The following ROBO1 variants were observed in gnomAD, a reference collection of about 807,000 sequenced individuals.
The protein encoded by ROBO1 is roundabout homolog 1.
A neutral mutation model predicts 195.9 loss-of-function variants in ROBO1; 149 were observed. The ratio of observed to expected loss-of-function variants is 0.76; its 90% confidence interval spans 0.67 to 0.87. ROBO1 has a LOEUF of 0.87. Ranked by LOEUF, ROBO1 falls within the 40% of genes least tolerant of loss-of-function variation. The pLI is 0.00. For synonymous variants in ROBO1, 816 were observed against 733.2 expected, an observed-to-expected ratio of 1.11 and a Z score of -1.82; for missense variants, 1,933 against 2,068.3, an observed-to-expected ratio of 0.93 and a Z score of 1.27.
chr3:78,923,563 G>GA (rs1211455298), intron 4 of ROBO1, among the ~76,000 whole-genome samples: 1 of 152,076 alleles, frequency 6.6e-6, no homozygotes, highest in Non-Finnish European at 1.5e-5. Flanking sequence ...CGCTTTTCTA[G>GA]AAAATTGAAA....
intron 1 of ROBO1, among the ~76,000 whole-genome samples, chr3:79,618,730 G>C (rs958337636): frequency 6.6e-6 from 1 of 152,084 alleles, no homozygotes; most frequent in Non-Finnish European, 1.5e-5. Flanking sequence ...CATGACATTT[G>C]GTGCCTCACT....
At chr3:79,502,916 GAAAACGGACCAATCAGCTCTGT>G (rs1940179744) in intron 2 of ROBO1, among the ~76,000 whole-genome samples, 5 of 151,996 alleles carry the variant, frequency 3.3e-5, no homozygotes, top group Non-Finnish European at 7.4e-5. Context: ...AGCACCCTGT[GAAAACGGACCAATCAGCTCTGT>G]AAAATGGACC....
intron 4 of ROBO1, among the ~76,000 whole-genome samples, chr3:78,778,492 C>T (rs1433821199): frequency 6.6e-6 from 1 of 151,988 alleles, no homozygotes; most frequent in East Asian, 1.9e-4. Context: ...AAACAGAGAG[C>T]CAAATCATGA....
chr3:79,268,600 C>T (rs531533094), intron 2 of ROBO1, among the ~76,000 whole-genome samples: 14 of 151,722 alleles, frequency 9.2e-5, no homozygotes, highest in African/African-American at 2.7e-4. Flanking sequence ...GGTCAACACA[C>T]GCTCTTGTTT....
intron 4 of ROBO1, among the ~76,000 whole-genome samples, chr3:78,750,447 C>T (rs921804532): frequency 2.3e-5 from 3 of 130,722 alleles, no homozygotes; most frequent in African/African-American, 8.7e-5. Context: ...AGCAAGACTC[C>T]ATCTCAAAAA....
chr3:79,148,761 C>A (rs575952722), intron 2 of ROBO1, among the ~76,000 whole-genome samples: 1 of 151,890 alleles, frequency 6.6e-6, no homozygotes, highest in Non-Finnish European at 1.5e-5. Context: ...CATTCATACT[C>A]ATTCCTAACA....
chr3:78,627,954 C>CTTTT (rs11445603), intron 25 of ROBO1, among the ~76,000 whole-genome samples: 2 of 143,428 alleles, frequency 1.4e-5, no homozygotes, highest in Admixed American at 7.0e-5. Flanking sequence ...AAAAATTACT[C>CTTTT]TTTTTTTTTT....
intron 4 of ROBO1, among the ~76,000 whole-genome samples, chr3:78,885,113 G>C (rs2036468841): frequency 6.6e-6 from 1 of 152,056 alleles, no homozygotes; most frequent in African/African-American, 2.4e-5. Context: ...GCAGGGACAT[G>C]GATAGAGGGC....
chr3:79,184,292 A>G (rs1483682371), intron 2 of ROBO1, among the ~76,000 whole-genome samples: 2 of 152,198 alleles, frequency 1.3e-5, no homozygotes, highest in Non-Finnish European at 2.9e-5. Flanking sequence ...TCTTTTTAAA[A>G]AGACAATAAT....
intron 1 of ROBO1, among the ~76,000 whole-genome samples, chr3:79,710,590 C>T (rs1025828355): frequency 6.6e-6 from 1 of 152,076 alleles, no homozygotes; most frequent in East Asian, 1.9e-4. Context: ...AAGGTTATGA[C>T]CCTGAAGGAA....
intron 8 of ROBO1, among the ~76,000 whole-genome samples, chr3:78,695,774 G>A (rs2081276245): frequency 1.3e-5 from 2 of 151,902 alleles, no homozygotes; most frequent in Non-Finnish European, 2.9e-5. Flanking sequence ...GGTCATTTAA[G>A]CTTTTAACAA....
rs114544670 is a variant in ROBO1, at chr3:79,747,878, A to G, written c.-51+19874T>C. Among the ~76,000 whole-genome samples, 759 of 152,214 alleles carry G rather than the reference A, an allele frequency of 5.0e-3. 10 individuals are homozygous for G. The highest frequency in any genetic ancestry group is 0.018 in the African/African-American group (733 of 41,564). ...ATGATCAAATAACACCACTATAAAGAGAAAACAAAAACAAGAAAAAAGAAA... is the reference window on the plus strand; with the variant it reads ...ATGATCAAATAACACCACTATAAAGGGAAAACAAAAACAAGAAAAAAGAAA... On this transcript the variant is annotated intron_variant, in intron 1 of 30. Coordinates refer to ENST00000464233, the MANE Select transcript of ROBO1 (RefSeq NM_002941.4).
chr3:78,659,951 C>A, intron 16 of ROBO1, 144 bp from the exon 17 acceptor site: 1 of 490,616 alleles, frequency 2.0e-6, no homozygotes, highest in Non-Finnish European at 3.3e-6. Flanking sequence ...GACGGAGGCT[C>A]GCTCTGTCAT....
At chr3:78,969,764 A>G (rs763713867) in intron 3 of ROBO1, among the ~76,000 whole-genome samples, 6 of 152,220 alleles carry the variant, frequency 3.9e-5, no homozygotes, top group Non-Finnish European at 5.9e-5. Flanking sequence ...TATGAAAAGG[A>G]TTATTTTATA....
At chr3:79,444,299 G>T (rs1224077447) in intron 2 of ROBO1, among the ~76,000 whole-genome samples, 3 of 151,890 alleles carry the variant, frequency 2.0e-5, no homozygotes, top group Admixed American at 6.6e-5. Flanking sequence ...AACAAAATGG[G>T]TTTTTTGAAT....
chr3:79,413,533 C>T (rs1178357205), intron 2 of ROBO1, among the ~76,000 whole-genome samples: 2 of 152,032 alleles, frequency 1.3e-5, no homozygotes, highest in African/African-American at 4.8e-5. Flanking sequence ...TGAATGTTAC[C>T]ATATGGGTTA....
intron 2 of ROBO1, among the ~76,000 whole-genome samples, chr3:79,445,066 G>A (rs2039193403): frequency 6.6e-6 from 1 of 151,882 alleles, no homozygotes; most frequent in Non-Finnish European, 1.5e-5. Context: ...AACATTAGTT[G>A]ATAAACTTTA....
chr3:79,366,882 A>T lies in ROBO1; in HGVS notation c.88+222942T>A, dbSNP rs552210263. 2.7e-5 allele frequency among the ~76,000 whole-genome samples: 3 copies of T among 109,636 alleles called. No individual in the cohort carries two copies. The East Asian group carries it at 7.9e-4, about 29-fold the overall frequency. 71.9% of individuals were successfully genotyped at this position (109,636 alleles called of 152,430 possible). A position where few individuals can be genotyped will look rare whatever the true frequency, so the allele number is the denominator to read the frequency against. Reference sequence around the variant, plus strand: ...CTCTTAAGAATATTCTATATTAAGGATGTCTTAGAAACAGGGGGAAGCTCT... The same window carrying T: ...CTCTTAAGAATATTCTATATTAAGGTTGTCTTAGAAACAGGGGGAAGCTCT... On this transcript the variant is annotated intron_variant, in intron 2 of 30. Coordinates refer to ENST00000464233, the MANE Select transcript of ROBO1 (RefSeq NM_002941.4).
intron 2 of ROBO1, among the ~76,000 whole-genome samples, chr3:79,222,108 T>C (rs11923133): frequency 0.14 from 21,554 of 152,070 alleles, 2,410 homozygotes; most frequent in African/African-American, 0.31. Flanking sequence ...AATTCTTCAC[T>C]ATACACATCT....
Sources: gnomAD v4.1 joint callset for allele counts (sites outside exome capture counted in the v4.1 genomes callset) on GRCh38, gnomAD v4.1.1 for gene constraint, MANE v1.5 for transcripts, NCBI Gene and HGNC (gene_info 2026-07-23, HGNC 2026-07-21) for gene names.